Variants in SEMA5A observed in about 807,000 individuals in gnomAD.
SEMA5A encodes semaphorin 5A, also known as semaphorin-5A.
In SEMA5A, 55 loss-of-function variants were observed where a neutral mutation model predicts 135.5. The observed-to-expected ratio is 0.41, with a 90% CI of 0.33 to 0.51. The LOEUF (loss-of-function observed/expected upper bound fraction) is 0.51, where lower values mean the gene tolerates loss of function less well. Among genes scored for constraint, SEMA5A ranks in the 20% least tolerant of loss-of-function variants. The pLI, the probability that SEMA5A is intolerant of heterozygous loss-of-function variation, is 0.37. For synonymous variants in SEMA5A, 580 were observed against 546.5 expected (o/e 1.06, Z -0.85); for missense variants, 1,290 against 1,419.9 (o/e 0.91, Z 1.47).
intron 2 of SEMA5A, among the ~76,000 whole-genome samples, chr5:9,387,028 G>A (rs1440074327): frequency 6.6e-6 from 1 of 152,198 alleles, no homozygotes; most frequent in African/African-American, 2.4e-5. Context: ...CTTTGTAGCT[G>A]AGAAGGCTAT....
chr5:9,221,589 A>C (rs893701333), intron 8 of SEMA5A, among the ~76,000 whole-genome samples: 2 of 152,154 alleles, frequency 1.3e-5, no homozygotes, highest in African/African-American at 2.4e-5. Flanking sequence ...GGCGTGAGCC[A>C]CCGCGCCTGG....
intron 9 of SEMA5A, among the ~76,000 whole-genome samples, chr5:9,199,886 T>C (rs976806685): frequency 1.3e-5 from 2 of 152,118 alleles, no homozygotes; most frequent in African/African-American, 2.4e-5. Context: ...AACTACACAG[T>C]CGTGCTAGGA....
intron 20 of SEMA5A, 115 bp from the exon 21 acceptor site, chr5:9,050,572 A>T: frequency 1.1e-6 from 1 of 889,166 alleles, no homozygotes. Context: ...ACAAAGTTTC[A>T]AAAGCTTGAT....
intron 11 of SEMA5A, among the ~76,000 whole-genome samples, chr5:9,164,399 TA>T (rs1208434611): frequency 4.7e-5 from 7 of 150,042 alleles, no homozygotes; most frequent in African/African-American, 7.3e-5. Flanking sequence ...AGATTATAAA[TA>T]TTTTTTTGCT....
At chr5:9,314,655 T>C (rs1752312470) in intron 5 of SEMA5A, among the ~76,000 whole-genome samples, 1 of 151,780 alleles carries the variant, frequency 6.6e-6, no homozygotes, top group Admixed American at 6.6e-5. Flanking sequence ...AAATAAAATA[T>C]TCATAGAAAC....
intron 17 of SEMA5A, among the ~76,000 whole-genome samples, chr5:9,065,009 C>T (rs764129858): frequency 1.2e-4 from 18 of 152,178 alleles, no homozygotes; most frequent in Non-Finnish European, 1.9e-4. Context: ...CAAGAGTTTA[C>T]AAAATTAAAA....
intron 8 of SEMA5A, among the ~76,000 whole-genome samples, chr5:9,216,116 G>A (rs1467551375): frequency 6.6e-6 from 1 of 152,148 alleles, no homozygotes. Context: ...ACTTTTTGAT[G>A]TGAACATTTA....
intron 8 of SEMA5A, among the ~76,000 whole-genome samples, chr5:9,208,847 T>G (rs968862551): frequency 6.6e-6 from 1 of 152,110 alleles, no homozygotes; most frequent in African/African-American, 2.4e-5. Context: ...GGGTAGGAAG[T>G]TGGAGCCAAG....
chr5:9,076,921 G>T (rs1738098412), intron 16 of SEMA5A, among the ~76,000 whole-genome samples: 1 of 148,640 alleles, frequency 6.7e-6, no homozygotes, highest in African/African-American at 2.5e-5. Flanking sequence ...GCCTGTGCAT[G>T]TTCCTCATTC....
Position 9,235,174 on chromosome 5 carries a change from A to G in SEMA5A, c.333+2654T>C, listed in dbSNP as rs556524284. Among the ~76,000 whole-genome samples, 16 of 152,346 alleles carry G rather than the reference A, an allele frequency of 1.1e-4. No homozygotes were observed. The South Asian group carries it at 3.3e-3, about 32-fold the overall frequency. ...ATCTGATGCTTTGCTTTAGTAGGAC[A>G]AGGAGTATAAGGAGACTGAAGCTCA... On this transcript the variant is annotated intron_variant, in intron 6 of 22. Coordinates refer to ENST00000382496, the MANE Select transcript of SEMA5A (RefSeq NM_003966.3).
chr5:9,393,387 C>A (rs2126536287), intron 2 of SEMA5A, among the ~76,000 whole-genome samples: 1 of 152,238 alleles, frequency 6.6e-6, no homozygotes, highest in South Asian at 2.1e-4. Flanking sequence ...TGTTCCTCAG[C>A]CTACAAAGTA....
intron 13 of SEMA5A, among the ~76,000 whole-genome samples, chr5:9,125,181 T>C (rs946646268): frequency 6.6e-6 from 1 of 152,192 alleles, no homozygotes; most frequent in African/African-American, 2.4e-5. Context: ...TAATTATGAC[T>C]ATCCCTCCTT....
At chr5:9,140,631 T>C (rs777231548) in intron 12 of SEMA5A, among the ~76,000 whole-genome samples, 3 of 152,216 alleles carry the variant, frequency 2.0e-5, no homozygotes, top group Non-Finnish European at 4.4e-5. Flanking sequence ...AAAAGTGACA[T>C]ATTTATATTT....
chr5:9,282,381 T>C (rs760380751), intron 5 of SEMA5A, among the ~76,000 whole-genome samples: 27 of 152,160 alleles, frequency 1.8e-4, no homozygotes, highest in Non-Finnish European at 3.1e-4. Context: ...ATGGGCCACA[T>C]ATTTGTCTCT....
rs574587083 is a variant in SEMA5A, at chr5:9,172,307, G to A, written c.1274-17612C>T. The stretch of plus-strand genomic sequence containing the variant: ...GGAAGATTATAGTTTAACTCAAAGA[G>A]CAGCAGTTCCTTGTGACGATTGCCA... On this transcript the variant is annotated intron_variant, in intron 11 of 22. Transcript: ENST00000382496. Among the ~76,000 whole-genome samples the A allele has an allele frequency of 7.9e-5, 12 of 152,354 alleles. No individual in the cohort carries two copies. In the South Asian group the frequency reaches 2.3e-3, roughly 29 times the overall value.
intron 3 of SEMA5A, chr5:9,363,217 T>C (rs1754773284): frequency 6.6e-6 from 1 of 152,190 alleles, no homozygotes; most frequent in African/African-American, 2.4e-5. Context: ...CATAACCAAA[T>C]ATAGCACACA....
chr5:9,312,459 TA>T (rs1752185854), intron 5 of SEMA5A, among the ~76,000 whole-genome samples: 1 of 152,156 alleles, frequency 6.6e-6, no homozygotes, highest in Non-Finnish European at 1.5e-5. Context: ...TTTATTTTCT[TA>T]AATTAAAAGC....
At chr5:9,503,050 T>A (rs1247740998) in intron 1 of SEMA5A, among the ~76,000 whole-genome samples, 2 of 152,160 alleles carry the variant, frequency 1.3e-5, no homozygotes, top group African/African-American at 4.8e-5. Flanking sequence ...AGGGAATACA[T>A]GAATAACTGG....
chr5:9,133,098 G>C (rs955306212), intron 13 of SEMA5A, among the ~76,000 whole-genome samples: 1 of 151,960 alleles, frequency 6.6e-6, no homozygotes, highest in African/African-American at 2.4e-5. Flanking sequence ...CACAACCAGT[G>C]GCATATCAGA....
Sources: gnomAD v4.1 joint callset for allele counts (sites outside exome capture counted in the v4.1 genomes callset) on GRCh38, gnomAD v4.1.1 for gene constraint, MANE v1.5 for transcripts, NCBI Gene and HGNC (gene_info 2026-07-23, HGNC 2026-07-21) for gene names.